The following LINGO2 variants were observed in gnomAD, a reference collection of about 807,000 sequenced individuals.
LINGO2 encodes the protein leucine-rich repeat and immunoglobulin-like domain-containing nogo receptor-interacting protein 2.
A neutral mutation model predicts 30.6 loss-of-function variants in LINGO2; 14 were observed. The observed-to-expected ratio is 0.46, with a 90% CI of 0.30 to 0.72. The LOEUF (loss-of-function observed/expected upper bound fraction) is 0.72, where lower values mean the gene tolerates loss of function less well. Ranked by LOEUF, LINGO2 falls within the 30% of genes least tolerant of loss-of-function variation. The pLI is 0.07. For missense variants in LINGO2, 729 were observed against 751.7 expected, an observed-to-expected ratio of 0.97 and a Z score of 0.35; for synonymous variants, 317 against 288.5, an observed-to-expected ratio of 1.10 and a Z score of -1.00.
At chr9:28,641,179 G>A (rs935349198) in intron 1 of LINGO2, among the ~76,000 whole-genome samples, 14 of 152,034 alleles carry the variant, frequency 9.2e-5, no homozygotes, top group Admixed American at 2.0e-4. Flanking sequence ...GACTACAGGC[G>A]CCTGCCACCA....
At chr9:28,100,587 G>T (rs1826385037) in intron 4 of LINGO2, among the ~76,000 whole-genome samples, 1 of 152,166 alleles carries the variant, frequency 6.6e-6, no homozygotes, top group South Asian at 2.1e-4. Flanking sequence ...GTATGTAGAA[G>T]AAGACAATTC....
the LINGO2 span, among the ~76,000 whole-genome samples, chr9:29,147,966 G>A: frequency 6.6e-6 from 1 of 151,926 alleles, no homozygotes; most frequent in African/African-American, 2.4e-5. Context: ...TATGTATAGC[G>A]ATAGCAAAAT....
chr9:28,705,148 C>T, the LINGO2 span, among the ~76,000 whole-genome samples: 1 of 151,988 alleles, frequency 6.6e-6, no homozygotes, highest in Non-Finnish European at 1.5e-5. Context: ...AACTCTTGAG[C>T]TCAAGCAATC....
intron 5 of LINGO2, among the ~76,000 whole-genome samples, chr9:27,974,896 G>A (rs1820524458): frequency 6.6e-6 from 1 of 152,034 alleles, no homozygotes; most frequent in Non-Finnish European, 1.5e-5. Flanking sequence ...ATTTTGAAAC[G>A]CTACTTGGTT....
chr9:28,671,513 CAAAAAA>C (rs11286682), upstream of LINGO2, among the ~76,000 whole-genome samples: 12 of 105,644 alleles, frequency 1.1e-4, no homozygotes, highest in South Asian at 7.0e-4. Flanking sequence ...TTATCTTAAG[CAAAAAA>C]AAAAAAAAAA....
At chr9:28,937,081 C>T in the LINGO2 span, among the ~76,000 whole-genome samples, 3 of 152,112 alleles carry the variant, frequency 2.0e-5, no homozygotes, top group Non-Finnish European at 4.4e-5. Context: ...AAGACACTGT[C>T]TCTAAATAAA....
At chr9:28,017,565 A>C (rs559980634) in intron 4 of LINGO2, among the ~76,000 whole-genome samples, 1 of 152,310 alleles carries the variant, frequency 6.6e-6, no homozygotes, top group East Asian at 1.9e-4. Context: ...ACTTCTATAT[A>C]TCGGCAACAT....
At chr9:28,296,766 T>C (rs1219540072) in intron 3 of LINGO2, among the ~76,000 whole-genome samples, 3 of 152,172 alleles carry the variant, frequency 2.0e-5, no homozygotes, top group Non-Finnish European at 4.4e-5. Context: ...TTGATGCTAT[T>C]AGATACCCAT....
the LINGO2 span, among the ~76,000 whole-genome samples, chr9:29,073,776 T>C: frequency 6.6e-6 from 1 of 152,198 alleles, no homozygotes; most frequent in Non-Finnish European, 1.5e-5. Context: ...CAGTGTTTGC[T>C]ATTAAAAAGC....
chr9:28,632,882 A>ATATATATATATATATATATAT, intron 1 of LINGO2, among the ~76,000 whole-genome samples: 1 of 70,872 alleles, frequency 1.4e-5, no homozygotes, highest in African/African-American at 7.0e-5. Flanking sequence ...ATATATATGT[A>ATATATATATATATATATATAT]GAGAGAGAGA....
intron 2 of LINGO2, among the ~76,000 whole-genome samples, chr9:28,416,509 C>G (rs1375062766): frequency 1.3e-5 from 2 of 151,990 alleles, no homozygotes; most frequent in African/African-American, 2.4e-5. Context: ...GAGATATTAC[C>G]TTTTGTGAAG....
chr9:28,622,651 C>A (rs1165907258), intron 1 of LINGO2, among the ~76,000 whole-genome samples: 1 of 151,888 alleles, frequency 6.6e-6, no homozygotes, highest in Non-Finnish European at 1.5e-5. Context: ...AGTGCTGCAA[C>A]AAACACAGGA....
chr9:28,060,411 A>C (rs370199620), intron 4 of LINGO2, among the ~76,000 whole-genome samples: 1 of 152,190 alleles, frequency 6.6e-6, no homozygotes, highest in Admixed American at 6.6e-5. Context: ...ATGTGCCAGT[A>C]CTTTTGTAAG....
At chr9:28,951,377 TG>T in the LINGO2 span, among the ~76,000 whole-genome samples, 3 of 34,100 alleles carry the variant, frequency 8.8e-5, no homozygotes, top group South Asian at 1.2e-3. Flanking sequence ...GCAATGGGGG[TG>T]GGGGGGCACT....
At chr9:29,030,231 T>C in the LINGO2 span, among the ~76,000 whole-genome samples, 1 of 152,142 alleles carries the variant, frequency 6.6e-6, no homozygotes, top group Non-Finnish European at 1.5e-5. Flanking sequence ...TATTATTTTA[T>C]CAGAAAAAAT....
At chr9:28,174,946 G>C (rs150794451) in intron 4 of LINGO2, among the ~76,000 whole-genome samples, 3,502 of 150,734 alleles carry the variant, frequency 0.023, 55 homozygotes, top group African/African-American at 0.038. Flanking sequence ...GAGAGAGAGA[G>C]AGACAGACAG....
intron 5 of LINGO2, among the ~76,000 whole-genome samples, chr9:28,007,431 C>G (rs1353158308): frequency 6.6e-6 from 1 of 152,108 alleles, no homozygotes; most frequent in Non-Finnish European, 1.5e-5. Flanking sequence ...AGAAAAGTTA[C>G]TAGATTACTA....
At chr9:28,265,955 G>A (rs1822734840) in intron 4 of LINGO2, among the ~76,000 whole-genome samples, 1 of 151,882 alleles carries the variant, frequency 6.6e-6, no homozygotes, top group Non-Finnish European at 1.5e-5. Flanking sequence ...TCAAAGTGGG[G>A]ACCAGAATCT....
chr9:29,189,122 G>A, the LINGO2 span, among the ~76,000 whole-genome samples: 412 of 120,172 alleles, frequency 3.4e-3, 5 homozygotes, highest in African/African-American at 0.011. Context: ...CCTCCCGGAC[G>A]GGGCGGCTGG....
Sources: gnomAD v4.1 joint callset for allele counts (sites outside exome capture counted in the v4.1 genomes callset) on GRCh38, gnomAD v4.1.1 for gene constraint, MANE v1.5 for transcripts, NCBI Gene and HGNC (gene_info 2026-07-23, HGNC 2026-07-21) for gene names.